The following CADPS variants were observed in gnomAD, a reference collection of about 807,000 sequenced individuals.
CADPS encodes calcium dependent secretion activator.
A neutral mutation model predicts 167.3 loss-of-function variants in CADPS; 57 were observed. That is an observed-to-expected ratio of 0.34 (90% CI 0.28 to 0.42). The LOEUF (loss-of-function observed/expected upper bound fraction) is 0.42. Ranked by LOEUF, CADPS falls within the 20% of genes least tolerant of loss-of-function variation. The pLI is 1.00. For missense variants in CADPS, 1,414 were observed against 1,738.1 expected (o/e 0.81, Z 3.32); for synonymous variants, 676 against 635.3 (o/e 1.06, Z -0.96).
chr3:62,643,532 T>G (rs2067883668), intron 6 of CADPS, among the ~76,000 whole-genome samples: 1 of 152,246 alleles, frequency 6.6e-6, no homozygotes, highest in Non-Finnish European at 1.5e-5. Flanking sequence ...AACATGAATA[T>G]TTCATGCAGG....
rs949006458 is a variant in CADPS at position 62,767,639 on chromosome 3, A to G, written c.442-1655T>C. 3.3e-5 allele frequency among the ~76,000 whole-genome samples: 5 copies of G among 152,308 alleles called. No individual in the cohort carries two copies. The East Asian group carries it at 9.6e-4, about 29-fold the overall frequency. On this transcript the variant is annotated intron_variant, in intron 1 of 29. Coordinates refer to ENST00000383710, the MANE Select transcript of CADPS (RefSeq NM_003716.4). ...ACACAGATGGAAGCTGGGTGCTTTCATTAATTTTTGTATCTTTGGAAGAAG... is the reference window on the plus strand; with the variant it reads ...ACACAGATGGAAGCTGGGTGCTTTCGTTAATTTTTGTATCTTTGGAAGAAG...
chr3:62,786,227 T>C (rs935597918), intron 1 of CADPS, among the ~76,000 whole-genome samples: 4 of 151,632 alleles, frequency 2.6e-5, no homozygotes, highest in Admixed American at 2.0e-4. Flanking sequence ...AAAATAAAAA[T>C]AAATAAAAAT....
chr3:62,645,744 G>T lies in CADPS; in HGVS notation c.1303C>A (p.Gln435Lys). The part of the protein sequence containing the change: ...VEGGEKLQTD[Q>K]AEASKPTWGT... ...TACGTTGGTTTAGAAGCCTCGGCCT[G>T]ATCAGTCTGTAGTTTCTCTCCTCCT... The change falls in exon 6 of 30, where the codon CAG (glutamine) becomes AAG (lysine). Residue 435 changes from glutamine (Q) to lysine (K), a missense_variant. Transcript: ENST00000383710. 1 of 1,614,118 alleles carries T rather than the reference G, an allele frequency of 6.2e-7. No homozygotes were observed. The highest frequency in any genetic ancestry group is 8.5e-7 in the Non-Finnish European group (1 of 1,179,954).
intron 2 of CADPS, among the ~76,000 whole-genome samples, chr3:62,758,206 A>G (rs187155890): frequency 3.3e-5 from 5 of 152,338 alleles, no homozygotes; most frequent in African/African-American, 4.8e-5. Flanking sequence ...ATGGTAAACA[A>G]TGAAGGAATC....
In CADPS at chr3:62,465,502, A is replaced by T. The variant is rs1308563365; in HGVS notation, c.3553-52T>A. 2.4e-6 allele frequency: 3 copies of T among 1,233,670 alleles called. No homozygotes were observed. The highest frequency in any genetic ancestry group is 3.5e-6 in the Non-Finnish European group (3 of 858,954). The allele number at this position is 1,233,670 out of a possible 1,614,324, so 76.4% of individuals were successfully genotyped here. On this transcript the variant is annotated intron_variant, in intron 25 of 29. Coordinates refer to ENST00000383710, the MANE Select transcript of CADPS (RefSeq NM_003716.4). This position sits in a 1 kb window ranked among gnomAD's most constrained non-coding sequence, Gnocchi z 4.1. ...ATGTTATTTCAAACTATAATTGTTCACCATAAAGCACATCATTTCCCCACC... is the reference window on the plus strand; with the variant it reads ...ATGTTATTTCAAACTATAATTGTTCTCCATAAAGCACATCATTTCCCCACC...
chr3:62,789,243 A>C (rs1239750999), intron 1 of CADPS, among the ~76,000 whole-genome samples: 4 of 152,134 alleles, frequency 2.6e-5, no homozygotes, highest in African/African-American at 9.7e-5. Context: ...TCTTCTTGAC[A>C]ATACTGAGAA....
chr3:62,547,583 T>TCCCCC (rs2076660354), intron 11 of CADPS, among the ~76,000 whole-genome samples: 1 of 92,778 alleles, frequency 1.1e-5, no homozygotes, highest in Non-Finnish European at 2.1e-5. Context: ...TGATATCATT[T>TCCCCC]ACGCCCCCCC....
chr3:62,617,969 C>T (rs923962200), intron 6 of CADPS, among the ~76,000 whole-genome samples: 1 of 152,090 alleles, frequency 6.6e-6, no homozygotes, highest in African/African-American at 2.4e-5. Context: ...ACTTGGTACA[C>T]ATGGTTTGGG....
intron 1 of CADPS, among the ~76,000 whole-genome samples, chr3:62,775,606 C>T (rs1351246262): frequency 1.3e-5 from 2 of 152,086 alleles, no homozygotes; most frequent in African/African-American, 2.4e-5. Flanking sequence ...GTAACAGGCT[C>T]CCTCCATTTA....
chr3:62,547,313 G>A (rs180896065), intron 11 of CADPS, among the ~76,000 whole-genome samples: 2 of 152,262 alleles, frequency 1.3e-5, no homozygotes, highest in Admixed American at 1.3e-4. Context: ...CTCAATGGGT[G>A]CCATTCATAT....
intron 16 of CADPS, among the ~76,000 whole-genome samples, chr3:62,513,137 GAACA>G (rs1305981938): frequency 6.6e-6 from 1 of 152,088 alleles, no homozygotes; most frequent in African/African-American, 2.4e-5. Context: ...GCTTGATAGA[GAACA>G]GACAGGAGGC....
At chr3:62,663,019 C>T (rs2073640514) in intron 3 of CADPS, among the ~76,000 whole-genome samples, 1 of 152,142 alleles carries the variant, frequency 6.6e-6, no homozygotes. Flanking sequence ...TAAGCCTGGA[C>T]AATTCCCTAA....
intron 16 of CADPS, among the ~76,000 whole-genome samples, chr3:62,515,034 C>T (rs114902803): frequency 0.013 from 2,027 of 152,142 alleles, 33 homozygotes; most frequent in African/African-American, 0.046. Flanking sequence ...AGGGAGGACA[C>T]GTAATGTACA....
intron 8 of CADPS, among the ~76,000 whole-genome samples, chr3:62,583,301 A>C (rs778410821): frequency 3.3e-5 from 5 of 152,218 alleles, no homozygotes; most frequent in South Asian, 4.2e-4. Flanking sequence ...TACTACAGAA[A>C]CCTAACTGAA....
intron 1 of CADPS, among the ~76,000 whole-genome samples, chr3:62,775,082 G>C (rs543059698): frequency 1.3e-5 from 2 of 152,000 alleles, no homozygotes; most frequent in East Asian, 3.9e-4. Flanking sequence ...CTGTCACTCA[G>C]GCTGGAGTGC....
intron 4 of CADPS, among the ~76,000 whole-genome samples, chr3:62,651,360 T>C (rs2070093952): frequency 6.6e-6 from 1 of 152,228 alleles, no homozygotes; most frequent in African/African-American, 2.4e-5. Context: ...CCCAGTTTCC[T>C]TCAGCAAATT....
intron 8 of CADPS, among the ~76,000 whole-genome samples, chr3:62,578,568 C>T (rs1457655905): frequency 1.4e-5 from 2 of 140,758 alleles, no homozygotes; most frequent in Non-Finnish European, 3.0e-5. Context: ...CGAGATCATG[C>T]CACTGCACTC....
intron 3 of CADPS, among the ~76,000 whole-genome samples, chr3:62,704,811 T>C (rs1198813916): frequency 4.6e-5 from 7 of 152,172 alleles, no homozygotes; most frequent in Admixed American, 2.0e-4. Context: ...TTTTTCAGAA[T>C]TCGTAGGCAT....
intron 17 of CADPS, among the ~76,000 whole-genome samples, chr3:62,508,666 A>G (rs537622646): frequency 4.6e-5 from 7 of 152,336 alleles, no homozygotes; most frequent in Admixed American, 2.0e-4. Context: ...TTTAGATTCA[A>G]TGAAATATGG....
Sources: allele counts gnomAD v4.1 joint callset (sites outside exome capture counted in the v4.1 genomes callset), GRCh38; gene constraint gnomAD v4.1.1; non-coding constraint Gnocchi (gnomAD v3.1); transcripts MANE v1.5; gene names NCBI Gene and HGNC (gene_info 2026-07-23, HGNC 2026-07-21).